The following MED15 variants were observed in gnomAD, a reference collection of about 807,000 sequenced individuals.
MED15 encodes mediator of RNA polymerase II transcription subunit 15.
In MED15, 41 loss-of-function variants were observed where a neutral mutation model predicts 118.7. The ratio of observed to expected loss-of-function variants is 0.35; its 90% CI spans 0.27 to 0.45. The LOEUF is 0.45. Among genes scored for constraint, MED15 ranks in the 20% least tolerant of loss-of-function variants. The pLI, the probability that MED15 is intolerant of heterozygous loss-of-function variation, is 1.00. For synonymous variants in MED15, 436 were observed against 413.9 expected, an observed-to-expected ratio of 1.05 and a Z score of -0.65; for missense variants, 740 against 1,025.5, an observed-to-expected ratio of 0.72 and a Z score of 3.80.
intron 8 of MED15, among the ~76,000 whole-genome samples, chr22:20,572,177 AG>A (rs2056684217): frequency 6.6e-6 from 1 of 152,198 alleles, no homozygotes; most frequent in Admixed American, 6.5e-5. Flanking sequence ...GTTCACTTTG[AG>A]GGCCTTCAGA....
At chr22:20,514,168 G>A (rs947481535) in intron 1 of MED15, among the ~76,000 whole-genome samples, 11 of 152,138 alleles carry the variant, frequency 7.2e-5, no homozygotes, top group African/African-American at 2.7e-4. Flanking sequence ...GCTTGCCTTT[G>A]TTGACTCTTT....
intron 1 of MED15, among the ~76,000 whole-genome samples, chr22:20,534,507 TGA>T (rs1470324611): frequency 6.6e-6 from 1 of 151,464 alleles, no homozygotes; most frequent in Non-Finnish European, 1.5e-5. Flanking sequence ...TGTGAGAGAG[TGA>T]GACATTGTCT....
Position 20,566,741 on chromosome 22 carries a change from C to T in MED15, c.965C>T (p.Ser322Leu), listed in dbSNP as rs927157688. The T allele has an allele frequency of 1.9e-6, 3 of 1,614,074 alleles. No homozygotes were observed. Among genetic ancestry groups the T allele is most frequent in the African/African-American group, 2.7e-5 (2 of 74,926 alleles). ...QNQPSQLPPQ[S>L]QTQPLVSQAQ... The stretch of plus-strand genomic sequence containing the variant: ...CAACCATCACAACTCCCGCCACAGT[C>T]GCAGACCCAGCCTTTGGTGTCACAG... The change falls in exon 7 of 18, where the codon TCG becomes TTG. Residue 322 changes from serine to leucine, a missense_variant. This residue lies in a region of MED15 where 384 missense variants were observed against 506.3 expected (regional missense o/e 0.76). Coordinates refer to ENST00000263205, the MANE Select transcript of MED15 (RefSeq NM_001003891.3).
chr22:20,553,063 T>C, intron 3 of MED15, 82 bp from the exon 4 acceptor site: 2 of 1,374,014 alleles, frequency 1.5e-6, no homozygotes, highest in South Asian at 1.2e-5. Flanking sequence ...GGCAAATGCC[T>C]ACAGAACTGA....
intron 11 of MED15, 48 bp from the exon 12 acceptor site, chr22:20,583,065 C>T: frequency 6.4e-7 from 1 of 1,558,596 alleles, no homozygotes; most frequent in South Asian, 1.2e-5. Context: ...GCTCAAGTTC[C>T]CCACCCGAGG....
At position 20,586,687 on chromosome 22, in the gene MED15, T is replaced by C; in HGVS notation, c.2350T>C (p.Cys784Arg). The change falls in exon 18 of 18, where the codon TGC (cysteine) becomes CGC (arginine). Residue 784 changes from cysteine to arginine, a missense_variant. Cys to Arg is a radical substitution (Grantham distance 180, BLOSUM62 -3). Around this residue, in one of 7 missense-constraint regions of MED15, gnomAD observed 179 missense variants for 259.0 expected, o/e 0.69. Coordinates refer to ENST00000263205, the MANE Select transcript of MED15 (RefSeq NM_001003891.3). ...NTWAQSVHQA[C>R]LSAA ...CTGGGCCCAGAGCGTCCACCAGGCC[T>C]GCCTCTCAGCCGCCTAGCCAAGACT... 6.2e-7 allele frequency: 1 copy of C among 1,612,658 alleles called. No individual in the cohort carries two copies.
chr22:20,509,782 G>A (rs566329695), intron 1 of MED15, among the ~76,000 whole-genome samples: 23 of 152,234 alleles, frequency 1.5e-4, no homozygotes, highest in South Asian at 4.1e-4. Context: ...ATCTGTAGGT[G>A]AAAACTTGAG....
intron 6 of MED15, among the ~76,000 whole-genome samples, 175 bp from the exon 7 acceptor site, chr22:20,566,292 G>A (rs1243490116): frequency 2.0e-5 from 3 of 151,974 alleles, no homozygotes; most frequent in Admixed American, 6.6e-5. Flanking sequence ...TGCCCGCCTC[G>A]GCCTCCCAAA....
chr22:20,577,193 TTC>T (rs761981437), intron 9 of MED15, among the ~76,000 whole-genome samples: 1 of 152,204 alleles, frequency 6.6e-6, no homozygotes, highest in Non-Finnish European at 1.5e-5. Context: ...AGCAGGATTC[TTC>T]TGGAAACTCC....
At chr22:20,540,731 A>G (rs913307500) in intron 2 of MED15, among the ~76,000 whole-genome samples, 1 of 152,188 alleles carries the variant, frequency 6.6e-6, no homozygotes, top group Non-Finnish European at 1.5e-5. Flanking sequence ...CACAAGCTAC[A>G]AAAAACGTAG....
chr22:20,561,881 C>G (rs1232371844), intron 5 of MED15, among the ~76,000 whole-genome samples: 1 of 152,048 alleles, frequency 6.6e-6, no homozygotes, highest in African/African-American at 2.4e-5. Context: ...TGTAGGTACA[C>G]TTGAGATGCT....
chr22:20,551,785 T>C (rs968672922), intron 3 of MED15: 4 of 431,224 alleles, frequency 9.3e-6, no homozygotes, highest in Non-Finnish European at 1.7e-5. Context: ...AGGGCTGTTG[T>C]TTTTACTTCT....
At chr22:20,535,090 T>C (rs532093930) in intron 1 of MED15, among the ~76,000 whole-genome samples, 3 of 152,244 alleles carry the variant, frequency 2.0e-5, no homozygotes, top group African/African-American at 7.2e-5. Flanking sequence ...CCCGAGTAGC[T>C]GGGACCACAG....
intron 1 of MED15, among the ~76,000 whole-genome samples, chr22:20,531,624 C>T (rs533283823): frequency 2.6e-5 from 4 of 152,366 alleles, no homozygotes; most frequent in South Asian, 2.1e-4. Flanking sequence ...ATGGCTGCCA[C>T]GCTGATTCTC....
At chr22:20,556,591 C>T (rs913046083) in intron 5 of MED15, among the ~76,000 whole-genome samples, 36 of 152,260 alleles carry the variant, frequency 2.4e-4, no homozygotes, top group Admixed American at 1.8e-3. Flanking sequence ...TGAGCCATCA[C>T]GCCCAGCCGA....
intron 13 of MED15, 138 bp downstream of exon 13, chr22:20,583,531 C>T (rs2057049915): frequency 1.0e-6 from 1 of 993,786 alleles, no homozygotes; most frequent in Middle Eastern, 3.3e-4. Context: ...TCCAAGGCTC[C>T]ACTCTGGTGT....
chr22:20,583,438 T>C (rs763480770), intron 13 of MED15, 45 bp downstream of exon 13: 1 of 1,605,648 alleles, frequency 6.2e-7, no homozygotes, highest in Non-Finnish European at 8.5e-7. Flanking sequence ...AGGGCACAGA[T>C]AGCCCAGCCA....
At chr22:20,520,264 C>T (rs2146365708) in intron 1 of MED15, among the ~76,000 whole-genome samples, 2 of 152,342 alleles carry the variant, frequency 1.3e-5, no homozygotes, top group African/African-American at 4.8e-5. Flanking sequence ...CTGCCCTTCT[C>T]TTCTGTTCTT....
At chr22:20,583,847 G>A (rs2146679748) in intron 13 of MED15, 1 of 235,250 alleles carries the variant, frequency 4.3e-6, no homozygotes, top group East Asian at 9.8e-5. Context: ...CAGGTGGAAG[G>A]CAGGGCTGCT....
Sources: allele counts gnomAD v4.1 joint callset (sites outside exome capture counted in the v4.1 genomes callset), GRCh38; gene constraint gnomAD v4.1.1; regional missense constraint gnomAD v4.1.1; transcripts MANE v1.5; gene names NCBI Gene and HGNC (gene_info 2026-07-23, HGNC 2026-07-21).